The following CNNM2 variants were observed in gnomAD, a reference collection of about 807,000 sequenced individuals.
The protein encoded by CNNM2 is metal transporter CNNM2.
A neutral mutation model predicts 66.9 loss-of-function variants in CNNM2; 12 were observed. The observed-to-expected ratio is 0.18, with a 90% confidence interval of 0.11 to 0.29. The LOEUF (loss-of-function observed/expected upper bound fraction) is 0.29. Ranked by LOEUF, CNNM2 falls within the 10% of genes least tolerant of loss-of-function variation. The pLI, the probability that CNNM2 is intolerant of heterozygous loss-of-function variation, is 1.00. For missense variants in CNNM2, 705 were observed against 1,167.7 expected, an observed-to-expected ratio of 0.60 and a Z score of 5.77; for synonymous variants, 557 against 501.8, an observed-to-expected ratio of 1.11 and a Z score of -1.47.
At chr10:102,970,719 C>G (rs2063534377) in intron 1 of CNNM2, among the ~76,000 whole-genome samples, 1 of 152,188 alleles carries the variant, frequency 6.6e-6, no homozygotes, top group Non-Finnish European at 1.5e-5. Flanking sequence ...TGTTTCCTCC[C>G]TGGGCCAGTT....
At chr10:103,028,819 T>TC (rs2064761937) in intron 1 of CNNM2, among the ~76,000 whole-genome samples, 1 of 122,984 alleles carries the variant, frequency 8.1e-6, no homozygotes, top group African/African-American at 3.0e-5. Context: ...TTTTTCTTTT[T>TC]TTTTTTTTCT....
intron 1 of CNNM2, among the ~76,000 whole-genome samples, chr10:103,007,624 C>T (rs568475744): frequency 1.2e-4 from 19 of 152,290 alleles, no homozygotes; most frequent in Admixed American, 7.2e-4. Flanking sequence ...TATAGGCTCT[C>T]TGCAAGAAGA....
At chr10:103,006,413 G>T (rs2064229315) in intron 1 of CNNM2, among the ~76,000 whole-genome samples, 1 of 151,680 alleles carries the variant, frequency 6.6e-6, no homozygotes, top group South Asian at 2.1e-4. Context: ...CACCATGTTG[G>T]CCAGGCTGGT....
intron 1 of CNNM2, among the ~76,000 whole-genome samples, chr10:102,979,972 G>A (rs992277165): frequency 5.3e-5 from 8 of 151,540 alleles, no homozygotes; most frequent in Admixed American, 3.3e-4. Flanking sequence ...GGAGTGCGGC[G>A]GGGTGATCTC....
In CNNM2 at chr10:102,924,814, G is replaced by A. The variant is rs1018577111; in HGVS notation, c.1621+4713G>A. On this transcript the variant is annotated intron_variant, in intron 1 of 7. Coordinates refer to ENST00000369878, the MANE Select transcript of CNNM2 (RefSeq NM_017649.5). ...GTTTAAAGGTATGAATGGTGTCACCGGGAGCTGATATATTTGTTTTCATGA... is the reference window on the plus strand; with the variant it reads ...GTTTAAAGGTATGAATGGTGTCACCAGGAGCTGATATATTTGTTTTCATGA... 3.3e-5 allele frequency among the ~76,000 whole-genome samples: 5 copies of A among 152,060 alleles called. No homozygotes were observed. In the East Asian group the frequency reaches 5.8e-4, roughly 18 times the overall value.
At chr10:102,933,668 G>A (rs993209312) in intron 1 of CNNM2, among the ~76,000 whole-genome samples, 4 of 151,980 alleles carry the variant, frequency 2.6e-5, no homozygotes, top group African/African-American at 9.7e-5. Flanking sequence ...ATCCACAATT[G>A]GTTATTGACA....
At chr10:102,980,040 A>G (rs2063695546) in intron 1 of CNNM2, among the ~76,000 whole-genome samples, 1 of 151,920 alleles carries the variant, frequency 6.6e-6, no homozygotes, top group Non-Finnish European at 1.5e-5. Flanking sequence ...CAACCTCCCA[A>G]GTAGCTGGGA....
intron 1 of CNNM2, among the ~76,000 whole-genome samples, chr10:102,922,743 C>T (rs2134155421): frequency 6.6e-6 from 1 of 152,154 alleles, no homozygotes; most frequent in Admixed American, 6.5e-5. Context: ...GAGTTTGAGA[C>T]TAGCCTGGGC....
At chr10:102,982,417 T>C (rs577405881) in intron 1 of CNNM2, among the ~76,000 whole-genome samples, 31 of 152,352 alleles carry the variant, frequency 2.0e-4, no homozygotes, top group South Asian at 1.2e-3. Flanking sequence ...ATCTCAGGAA[T>C]AGAAGGTATT....
chr10:103,057,043 C>T (rs2065306636), intron 4 of CNNM2, 79 bp downstream of exon 4: 15 of 1,409,558 alleles, frequency 1.1e-5, no homozygotes, highest in African/African-American at 4.3e-5. Context: ...TGGGTGTCAC[C>T]GTGTACATAC....
chr10:102,989,196 A>G (rs1054512497), intron 1 of CNNM2, among the ~76,000 whole-genome samples: 1 of 152,062 alleles, frequency 6.6e-6, no homozygotes, highest in African/African-American at 2.4e-5. Context: ...TGTTGCAAAA[A>G]CCCTGGCAAA....
chr10:102,969,052 TAC>T (rs1288238401), intron 1 of CNNM2, among the ~76,000 whole-genome samples: 1 of 151,954 alleles, frequency 6.6e-6, no homozygotes, highest in Non-Finnish European at 1.5e-5. Context: ...TAGCTGGGAT[TAC>T]AGGTGTGCAC....
In CNNM2 at chr10:102,925,153, G is replaced by A. The variant is rs192776651; in HGVS notation, c.1621+5052G>A. Among the ~76,000 whole-genome samples the A allele has an allele frequency of 4.5e-3, 684 of 151,892 alleles. 2 individuals carry two copies. The highest frequency in any genetic ancestry group is 0.01 in the Middle Eastern group (3 of 292). ...CTCTGCTGAAAATACAAAATTAGCC[G>A]GGCATGGTGGCACATGCCTGTAATC... On this transcript the variant is annotated intron_variant, in intron 1 of 7. Coordinates refer to ENST00000369878, the MANE Select transcript of CNNM2 (RefSeq NM_017649.5).
chr10:103,059,507 A>G (rs1337901086), intron 4 of CNNM2, among the ~76,000 whole-genome samples: 1 of 152,230 alleles, frequency 6.6e-6, no homozygotes, highest in Non-Finnish European at 1.5e-5. Context: ...GTAAGTTACC[A>G]TGTACATACC....
chr10:102,960,175 A>G (rs1310069952), intron 1 of CNNM2, among the ~76,000 whole-genome samples: 1 of 152,242 alleles, frequency 6.6e-6, no homozygotes, highest in Non-Finnish European at 1.5e-5. Context: ...TGCCTGACGC[A>G]TGCTACGTGC....
chr10:102,989,526 G>A (rs1268084357), intron 1 of CNNM2, among the ~76,000 whole-genome samples: 2 of 152,108 alleles, frequency 1.3e-5, no homozygotes, highest in Non-Finnish European at 2.9e-5. Context: ...TTTGGGGACG[G>A]GCATGGTGAC....
intron 4 of CNNM2, among the ~76,000 whole-genome samples, chr10:103,061,421 T>A (rs576541341): frequency 6.6e-6 from 1 of 152,094 alleles, no homozygotes; most frequent in East Asian, 1.9e-4. Context: ...AATTTAAAAT[T>A]GAAAATGCCT....
intron 6 of CNNM2, 101 bp downstream of exon 6, chr10:103,071,940 T>G (rs1590505337): frequency 1.0e-6 from 1 of 1,001,674 alleles, no homozygotes; most frequent in African/African-American, 1.6e-5. Flanking sequence ...GGACAGGCTG[T>G]TTTCAGTGTT....
intron 6 of CNNM2, among the ~76,000 whole-genome samples, chr10:103,073,868 C>CAAAA (rs61331007): frequency 8.5e-5 from 6 of 70,240 alleles, no homozygotes; most frequent in East Asian, 4.9e-4. Context: ...GACTCCGTCT[C>CAAAA]AAAAAAAAAA....
Sources: allele counts gnomAD v4.1 joint callset (sites outside exome capture counted in the v4.1 genomes callset), GRCh38; gene constraint gnomAD v4.1.1; transcripts MANE v1.5; gene names NCBI Gene and HGNC (gene_info 2026-07-23, HGNC 2026-07-21).